RAD51B: variants seen among roughly 807,000 people sequenced by gnomAD.
The protein encoded by RAD51B is DNA repair protein RAD51 homolog 2.
A neutral mutation model predicts 42.2 loss-of-function variants in RAD51B; 38 were observed. That is an observed-to-expected ratio of 0.90 (90% confidence interval 0.70 to 1.18). The LOEUF (loss-of-function observed/expected upper bound fraction) is 1.18, where lower values mean the gene tolerates loss of function less well. RAD51B is among the 50% of genes most tolerant of loss of function. The pLI is 0.00. For synonymous variants in RAD51B, 154 were observed against 145.2 expected, an observed-to-expected ratio of 1.06 and a Z score of -0.43; for missense variants, 373 against 400.7, an observed-to-expected ratio of 0.93 and a Z score of 0.59.
chr14:68,414,801 C>T (rs1011073300), intron 9 of RAD51B, among the ~76,000 whole-genome samples: 3 of 145,030 alleles, frequency 2.1e-5, no homozygotes, highest in African/African-American at 7.8e-5. Context: ...GTGGGTGAAT[C>T]GCCTCAGGTC....
At chr14:68,202,880 G>A (rs2140928821) in intron 7 of RAD51B, among the ~76,000 whole-genome samples, 1 of 152,124 alleles carries the variant, frequency 6.6e-6, no homozygotes, top group African/African-American at 2.4e-5. Context: ...CTGCGCCCAG[G>A]CATGAATCAA....
Position 68,477,962 on chromosome 14 carries a change from C to G in RAD51B, c.*298C>G, listed in dbSNP as rs1009592065. 2 of 1,179,224 alleles carry G rather than the reference C, an allele frequency of 1.7e-6. No individual in the cohort carries two copies. Among genetic ancestry groups the G allele is most frequent in the African/African-American group, 1.6e-5 (1 of 63,450 alleles). 73.0% of individuals were successfully genotyped at this position (1,179,224 alleles called of 1,614,324 possible). A position where few individuals can be genotyped will look rare whatever the true frequency, so the allele number is the denominator to read the frequency against. The stretch of plus-strand genomic sequence containing the variant: ...TTGCACTTATATAGCACCTTTCAAC[C>G]AGGCACCTCAAAGCGGTTTAACCAC... On this transcript the variant is annotated 3_prime_UTR_variant, in exon 11 of 11. Coordinates refer to ENST00000471583, the MANE Select transcript of RAD51B (RefSeq NM_133510.4).
chr14:68,104,592 G>C (rs778029380), intron 7 of RAD51B, among the ~76,000 whole-genome samples: 1 of 152,240 alleles, frequency 6.6e-6, no homozygotes, highest in South Asian at 2.1e-4. Flanking sequence ...ATTCAGTAAA[G>C]TACCTTTCAT....
chr14:68,676,919 G>A (rs907253536), intron 11 of RAD51B, among the ~76,000 whole-genome samples: 3 of 152,206 alleles, frequency 2.0e-5, no homozygotes, highest in Middle Eastern at 3.2e-3. Context: ...TTCTTGCAGC[G>A]CCACACTAGG....
chr14:68,135,256 A>G (rs899512849), intron 7 of RAD51B, among the ~76,000 whole-genome samples: 1 of 152,222 alleles, frequency 6.6e-6, no homozygotes, highest in Non-Finnish European at 1.5e-5. Context: ...AAGATTTAAT[A>G]ACACCGGAAA....
At chr14:68,638,282 C>G (rs1011257977) in intron 10 of RAD51B, among the ~76,000 whole-genome samples, 1 of 152,112 alleles carries the variant, frequency 6.6e-6, no homozygotes, top group Admixed American at 6.5e-5. Context: ...GGGTGGGGAC[C>G]TTCTTGGGGA....
chr14:68,086,282 A>G (rs1333916314), intron 7 of RAD51B, among the ~76,000 whole-genome samples: 1 of 152,022 alleles, frequency 6.6e-6, no homozygotes, highest in East Asian at 1.9e-4. Flanking sequence ...GCTGGTGCCT[A>G]TTAGTGCGTT....
chr14:67,995,786 T>G (rs2075372950), intron 7 of RAD51B, among the ~76,000 whole-genome samples: 1 of 151,574 alleles, frequency 6.6e-6, no homozygotes, highest in Admixed American at 6.6e-5. Context: ...CCTGGCTAAT[T>G]TTTTGTATTT....
At chr14:68,397,594 T>C (rs4899241) in intron 8 of RAD51B, among the ~76,000 whole-genome samples, 115,944 of 152,176 alleles carry the variant, frequency 0.76, 44,547 homozygotes, top group East Asian at 0.97. Context: ...ATTCCTGTCA[T>C]AAATGGAGTT....
At chr14:68,585,086 T>C (rs1479025641) in intron 10 of RAD51B, among the ~76,000 whole-genome samples, 1 of 152,132 alleles carries the variant, frequency 6.6e-6, no homozygotes, top group Non-Finnish European at 1.5e-5. Context: ...CAGAATATAC[T>C]CAAGTGGGCA....
In RAD51B at chr14:68,390,336, G is replaced by C. The variant is rs1051113513; in HGVS notation, c.854-21088G>C. Among the ~76,000 whole-genome samples, 3 of 152,182 alleles carry C rather than the reference G, an allele frequency of 2.0e-5. No homozygotes were observed. In the South Asian group the frequency reaches 6.2e-4, roughly 32 times the overall value. ...CCTAGATGTTCATACTGTGAGCTTAGCCTGTTATCATTTTGGTTTACTTGC... is the reference window on the plus strand; with the variant it reads ...CCTAGATGTTCATACTGTGAGCTTACCCTGTTATCATTTTGGTTTACTTGC... On this transcript the variant is annotated intron_variant, in intron 8 of 10. Coordinates refer to ENST00000471583, the MANE Select transcript of RAD51B (RefSeq NM_133510.4).
intron 8 of RAD51B, among the ~76,000 whole-genome samples, chr14:68,382,396 A>C (rs968282034): frequency 1.3e-5 from 2 of 152,244 alleles, no homozygotes; most frequent in Non-Finnish European, 2.9e-5. Flanking sequence ...TATCTTTGAC[A>C]TCAGCGCCAT....
intron 10 of RAD51B, among the ~76,000 whole-genome samples, chr14:68,517,163 A>G (rs1886213863): frequency 6.6e-6 from 1 of 151,862 alleles, no homozygotes; most frequent in African/African-American, 2.4e-5. Flanking sequence ...ATACTTCAGG[A>G]TGCACCAGAA....
intron 7 of RAD51B, among the ~76,000 whole-genome samples, chr14:68,120,513 C>T (rs1209564806): frequency 2.0e-5 from 3 of 152,150 alleles, no homozygotes; most frequent in South Asian, 2.1e-4. Flanking sequence ...AAAAACTGGC[C>T]CTCAATACAT....
At chr14:67,894,027 A>C (rs2043322643) in intron 7 of RAD51B, among the ~76,000 whole-genome samples, 1 of 152,180 alleles carries the variant, frequency 6.6e-6, no homozygotes, top group African/African-American at 2.4e-5. Context: ...TCTTAGCTCC[A>C]CTATTTGCTA....
At chr14:68,622,500 G>A (rs904674207) in intron 10 of RAD51B, among the ~76,000 whole-genome samples, 2 of 152,044 alleles carry the variant, frequency 1.3e-5, no homozygotes, top group African/African-American at 2.4e-5. Flanking sequence ...GGGTGGTCAC[G>A]GAAGGCCTTT....
intron 7 of RAD51B, among the ~76,000 whole-genome samples, chr14:67,962,982 T>C (rs1292830609): frequency 2.6e-5 from 4 of 152,186 alleles, no homozygotes; most frequent in Admixed American, 2.0e-4. Context: ...GTTAATCTAT[T>C]CTTTGTGGTT....
intron 7 of RAD51B, among the ~76,000 whole-genome samples, chr14:68,156,302 G>C (rs2078503478): frequency 6.6e-6 from 1 of 152,194 alleles, no homozygotes; most frequent in African/African-American, 2.4e-5. Context: ...GAAAGGCTTT[G>C]TATTTCAAGT....
chr14:68,448,828 G>A (rs1362496838), intron 9 of RAD51B, among the ~76,000 whole-genome samples: 1 of 152,056 alleles, frequency 6.6e-6, no homozygotes, highest in Non-Finnish European at 1.5e-5. Flanking sequence ...CCATGTATAA[G>A]AGAGGGGATG....
Sources: gnomAD v4.1 joint callset for allele counts (sites outside exome capture counted in the v4.1 genomes callset) on GRCh38, gnomAD v4.1.1 for gene constraint, MANE v1.5 for transcripts, NCBI Gene and HGNC (gene_info 2026-07-23, HGNC 2026-07-21) for gene names.